YJU2B: variants seen among roughly 807,000 people sequenced by gnomAD.
YJU2B encodes the protein probable splicing factor YJU2B.
In YJU2B, 18 loss-of-function variants were observed where a neutral mutation model predicts 38.0. That is an observed-to-expected ratio of 0.47 (90% CI 0.33 to 0.70). YJU2B has a LOEUF of 0.70. Ranked by LOEUF, YJU2B falls within the 30% of genes least tolerant of loss-of-function variation. YJU2B has a pLI of 0.02. For synonymous variants in YJU2B, 246 were observed against 225.4 expected, an observed-to-expected ratio of 1.09 and a Z score of -0.82; for missense variants, 538 against 556.3, an observed-to-expected ratio of 0.97 and a Z score of 0.33.
chr19:13,743,308 G>A (rs1024467299), upstream of YJU2B, among the ~76,000 whole-genome samples: 4 of 152,304 alleles, frequency 2.6e-5, no homozygotes, highest in Admixed American at 2.0e-4. Flanking sequence ...GGCAGGGCAC[G>A]GTGGCTCACG....
intron 1 of YJU2B, among the ~76,000 whole-genome samples, chr19:13,750,530 T>C (rs534084689): frequency 6.6e-6 from 1 of 152,172 alleles, no homozygotes; most frequent in African/African-American, 2.4e-5. Flanking sequence ...CCTGGCCGGA[T>C]GAGGTCTTTG....
At chr19:13,743,581 A>G (rs1212862870), upstream of YJU2B, among the ~76,000 whole-genome samples, 4 of 21,936 alleles carry the variant, frequency 1.8e-4, no homozygotes, top group South Asian at 1.4e-3. Flanking sequence ...CAGTCTCAGG[A>G]AAAAAAAAAG....
chr19:13,738,892 C>CAA (rs527948929), intron 2 of YJU2B, among the ~76,000 whole-genome samples: 86 of 55,274 alleles, frequency 1.6e-3, no homozygotes, highest in Middle Eastern at 0.011. Flanking sequence ...GACTCTGTCT[C>CAA]AAAAAAAAAA....
chr19:13,739,442 G>A (rs997382491), intron 2 of YJU2B, among the ~76,000 whole-genome samples: 1 of 149,234 alleles, frequency 6.7e-6, no homozygotes, highest in African/African-American at 2.5e-5. Flanking sequence ...ATTCACATTA[G>A]CTGGAAACTC....
chr19:13,747,462 C>T (rs960749923), upstream of YJU2B, among the ~76,000 whole-genome samples: 4 of 152,218 alleles, frequency 2.6e-5, no homozygotes, highest in Admixed American at 6.5e-5. Flanking sequence ...CATAGTAAGA[C>T]CTTGCCTGTG....
upstream of YJU2B, among the ~76,000 whole-genome samples, chr19:13,745,698 T>G (rs199794078): frequency 7.9e-6 from 1 of 126,890 alleles, no homozygotes; most frequent in Non-Finnish European, 1.6e-5. Flanking sequence ...TAGATATAGA[T>G]ATATAGATAT....
At chr19:13,746,458 C>T (rs1308458791), upstream of YJU2B, among the ~76,000 whole-genome samples, 2 of 152,098 alleles carry the variant, frequency 1.3e-5, no homozygotes, top group East Asian at 3.8e-4. Flanking sequence ...TGAATGGGCC[C>T]GGCTGTTTGT....
rs376408237 is a variant in YJU2B at position 13,752,146 on chromosome 19, G to C, written c.3+335G>C. 4.9e-4 allele frequency among the ~76,000 whole-genome samples: 74 copies of C among 152,056 alleles called. No individual in the cohort carries two copies. The East Asian group carries it at 0.012, about 24-fold the overall frequency. Reference sequence around the variant, plus strand: ...ATTTTTGTATTTTTAGTAGAGACGGGGTTTTGCCATGTTGGTCAGGCTGGT... The same window carrying C: ...ATTTTTGTATTTTTAGTAGAGACGGCGTTTTGCCATGTTGGTCAGGCTGGT... On this transcript the variant is annotated intron_variant, in intron 2 of 9. Coordinates refer to ENST00000221554, the MANE Select transcript of YJU2B (RefSeq NM_030818.4).
At chr19:13,751,033 C>T (rs1296994541) in intron 1 of YJU2B, among the ~76,000 whole-genome samples, 1 of 152,000 alleles carries the variant, frequency 6.6e-6, no homozygotes, top group African/African-American at 2.4e-5. Context: ...GGCAGGGGCC[C>T]CACAGGCCGT....
chr19:13,757,281 G>C, intron 4 of YJU2B, 137 bp from the exon 5 acceptor site: 1 of 646,384 alleles, frequency 1.5e-6, no homozygotes. Flanking sequence ...TGTGTAATGT[G>C]AGTGCAGCAA....
intron 1 of YJU2B, chr19:13,731,964 G>C (rs1330755116): frequency 2.0e-5 from 3 of 152,296 alleles, no homozygotes; most frequent in Non-Finnish European, 4.4e-5. Flanking sequence ...TGAGATCATG[G>C]TCCAGTTCTC....
intron 2 of YJU2B, among the ~76,000 whole-genome samples, chr19:13,737,035 A>AAAAG (rs1163001587): frequency 2.0e-5 from 3 of 151,096 alleles, no homozygotes; most frequent in Admixed American, 1.3e-4. Flanking sequence ...TCAAAAAAAA[A>AAAAG]AAAAAAAGAA....
chr19:13,756,237 G>A lies in YJU2B; in HGVS notation c.98G>A (p.Arg33Gln), dbSNP rs770541731. ...CGATACCACAACAGCCACCCGCTTC[G>A]GGAGCGGGCTCGGAAGCTGTCACAG... ...LNRYHNSHPL[R>Q]ERARKLSQGI... Residue 33 changes from arginine (R) to glutamine (Q), a missense_variant, in exon 4 of 10, where the codon CGG (arginine) becomes CAG (glutamine). Arg to Gln is a conservative substitution (Grantham distance 43). Coordinates refer to ENST00000221554, the MANE Select transcript of YJU2B (RefSeq NM_030818.4). 5.8e-5 allele frequency: 94 copies of A among 1,613,904 alleles called. No homozygotes were observed. The highest frequency in any genetic ancestry group is 7.4e-5 in the Non-Finnish European group (87 of 1,180,010).
chr19:13,741,323 T>G (rs2145093642), intron 2 of YJU2B, among the ~76,000 whole-genome samples: 1 of 150,988 alleles, frequency 6.6e-6, no homozygotes, highest in East Asian at 2.0e-4. Context: ...CCTGGCTAAT[T>G]TTTGTATTTT....
upstream of YJU2B, among the ~76,000 whole-genome samples, chr19:13,745,706 TA>T (rs1973221158): frequency 2.1e-5 from 1 of 47,980 alleles, no homozygotes; most frequent in African/African-American, 7.4e-5. Flanking sequence ...GATATATAGA[TA>T]TCTATAGATC....
chr19:13,763,083 G>A lies in YJU2B; in HGVS notation c.*15G>A, dbSNP rs752191958. 1.3e-6 allele frequency: 2 copies of A among 1,531,560 alleles called. No individual in the cohort carries two copies. Among genetic ancestry groups the A allele is most frequent in the Non-Finnish European group, 1.8e-6 (2 of 1,138,566 alleles). The allele number at this position is 1,531,560 out of a possible 1,614,324, so 94.9% of individuals were successfully genotyped here. A position where few individuals can be genotyped will look rare whatever the true frequency, so the allele number is the denominator to read the frequency against. ...AGAGTGAGTGAGCGATCCCCATCCT[G>A]GAGACTGGACCCGCTCTAGAGGCCC... On this transcript the variant is annotated 3_prime_UTR_variant, in exon 10 of 10. Transcript: ENST00000221554.
chr19:13,731,939 C>T (rs1237666086), exon 1 of YJU2B: 2 of 152,330 alleles, frequency 1.3e-5, no homozygotes, highest in East Asian at 3.9e-4. Flanking sequence ...AGGGTAGCTC[C>T]CTCCCTCAAA....
chr19:13,733,715 C>A lies in YJU2B; in HGVS notation c.-202+1430C>A, dbSNP rs138853853. 5.0e-3 allele frequency among the ~76,000 whole-genome samples: 758 copies of A among 152,154 alleles called. 5 individuals carry two copies. The highest frequency in any genetic ancestry group is 0.016 in the African/African-American group (685 of 41,526). On this transcript the variant is annotated intron_variant, in intron 2 of 10. Coordinates refer to the YJU2B transcript ENST00000586600. Reference sequence around the variant, plus strand: ...CAACCTGGGCAACGAGAGTGAAACTCCATCTCAAAAAAACAAAAAACGAAC... The same window carrying A: ...CAACCTGGGCAACGAGAGTGAAACTACATCTCAAAAAAACAAAAAACGAAC...
intron 8 of YJU2B, among the ~76,000 whole-genome samples, chr19:13,759,784 C>A (rs1973818582): frequency 6.8e-6 from 1 of 146,690 alleles, no homozygotes; most frequent in South Asian, 2.2e-4. Flanking sequence ...CCCACCACCA[C>A]CACGCCTGGC....
Sources: gnomAD v4.1 joint callset for allele counts (sites outside exome capture counted in the v4.1 genomes callset) on GRCh38, gnomAD v4.1.1 for gene constraint, MANE v1.5 for transcripts, NCBI Gene and HGNC (gene_info 2026-07-23, HGNC 2026-07-21) for gene names.